GRK5: variants seen among roughly 807,000 people sequenced by gnomAD.
GRK5 encodes the protein g protein-coupled receptor kinase GRK5.
A neutral mutation model predicts 78.4 loss-of-function variants in GRK5; 40 were observed. That is an observed-to-expected ratio of 0.51 (90% CI 0.40 to 0.66). The LOEUF (loss-of-function observed/expected upper bound fraction) is 0.66. Ranked by LOEUF, GRK5 falls within the 30% of genes least tolerant of loss-of-function variation. The pLI is 0.00. For synonymous variants in GRK5, 289 were observed against 296.8 expected (o/e 0.97, Z 0.27); for missense variants, 598 against 759.9 (o/e 0.79, Z 2.50).
rs577682818 is a variant in GRK5 at position 119,349,845 on chromosome 10, G to A, written c.148+23234G>A. ...TCCTCAGAACCACCACCTGCCTTTG[G>A]TGGTTGCTCATACGTGGGCACCTGC... On this transcript the variant is annotated intron_variant, in intron 2 of 15. Coordinates refer to ENST00000392870, the MANE Select transcript of GRK5 (RefSeq NM_005308.3). Among the ~76,000 whole-genome samples the A allele has an allele frequency of 3.3e-5, 5 of 152,362 alleles. No individual in the cohort carries two copies. In the East Asian group the frequency reaches 5.8e-4, roughly 18 times the overall value.
At chr10:119,348,270 C>T (rs1387489821) in intron 2 of GRK5, among the ~76,000 whole-genome samples, 2 of 152,184 alleles carry the variant, frequency 1.3e-5, no homozygotes, top group Admixed American at 6.5e-5. Flanking sequence ...CTGATGTCAT[C>T]GGGGGAGCTC....
chr10:119,360,019 G>A (rs1851333474), intron 2 of GRK5, among the ~76,000 whole-genome samples: 1 of 151,008 alleles, frequency 6.6e-6, no homozygotes, highest in Non-Finnish European at 1.5e-5. Context: ...AGGAGGTGGA[G>A]GGAAGCTGAG....
At chr10:119,306,658 TCTC>T (rs1211068939) in intron 1 of GRK5, among the ~76,000 whole-genome samples, 1 of 152,128 alleles carries the variant, frequency 6.6e-6, no homozygotes, top group Admixed American at 6.5e-5. Flanking sequence ...TCTGCTGACT[TCTC>T]CTGGGGAAAG....
chr10:119,433,511 C>A (rs1490365025), intron 8 of GRK5, among the ~76,000 whole-genome samples: 6 of 152,166 alleles, frequency 3.9e-5, no homozygotes, highest in African/African-American at 1.4e-4. Context: ...CTCCTGGATC[C>A]CTTTCTCGGT....
intron 1 of GRK5, chr10:119,212,716 C>T (rs1237303503): frequency 6.6e-6 from 1 of 152,146 alleles, no homozygotes. Context: ...GCATTATTGT[C>T]ATAGGTCATG....
At chr10:119,382,952 C>T (rs914934457) in intron 3 of GRK5, among the ~76,000 whole-genome samples, 8 of 151,860 alleles carry the variant, frequency 5.3e-5, no homozygotes, top group Admixed American at 2.0e-4. Flanking sequence ...GATGGAGTCT[C>T]GCTCTGTTGC....
chr10:119,357,888 C>G (rs1564903644), intron 2 of GRK5, among the ~76,000 whole-genome samples: 2 of 152,144 alleles, frequency 1.3e-5, no homozygotes, highest in Admixed American at 6.5e-5. Flanking sequence ...GATGCCTTGA[C>G]CCCACAGGGA....
rs566112484 is a variant in GRK5 at position 119,359,955 on chromosome 10, G to C, written c.149-20860G>C. Among the ~76,000 whole-genome samples the C allele has an allele frequency of 1.1e-4, 16 of 152,084 alleles. No individual in the cohort carries two copies. In the South Asian group the frequency reaches 2.7e-3, roughly 26 times the overall value. ...GGTTGAGGAGATTGAGGAGGCTGAGGGGGCTTGAGGAGGCTGGGGAGGCTG... is the reference window on the plus strand; with the variant it reads ...GGTTGAGGAGATTGAGGAGGCTGAGCGGGCTTGAGGAGGCTGGGGAGGCTG... On this transcript the variant is annotated intron_variant, in intron 2 of 15. Transcript: ENST00000392870.
chr10:119,382,091 C>T (rs1046806167), intron 3 of GRK5, among the ~76,000 whole-genome samples: 4 of 152,190 alleles, frequency 2.6e-5, no homozygotes, highest in Admixed American at 1.3e-4. Flanking sequence ...GAAATCTTTG[C>T]ACTCTTTGAT....
At chr10:119,368,333 G>A (rs1851485386) in intron 2 of GRK5, among the ~76,000 whole-genome samples, 1 of 152,230 alleles carries the variant, frequency 6.6e-6, no homozygotes, top group Non-Finnish European at 1.5e-5. Flanking sequence ...ACTCATGCTT[G>A]TGTTGCTCCA....
chr10:119,239,280 G>A (rs1201153286), intron 1 of GRK5, among the ~76,000 whole-genome samples: 3 of 151,394 alleles, frequency 2.0e-5, no homozygotes, highest in Non-Finnish European at 4.4e-5. Flanking sequence ...TGTCACCCAG[G>A]CTGGAGTACA....
rs926466080 is a variant in GRK5, at chr10:119,371,951, A to G, written c.149-8864A>G. ...GGGACTTGCCCAAGACCACACAGCC[A>G]TCCAGAGTTGCTCCACTGTGGAGAC... On this transcript the variant is annotated intron_variant, in intron 2 of 15. Transcript: ENST00000392870. Among the ~76,000 whole-genome samples the G allele has an allele frequency of 3.9e-4, 60 of 152,352 alleles. 1 individual carries two copies. Among genetic ancestry groups the G allele is most frequent in the East Asian group, 1.9e-4 (1 of 5,190 alleles).
At chr10:119,308,867 T>C (rs58151501) in intron 1 of GRK5, among the ~76,000 whole-genome samples, 2 of 128,828 alleles carry the variant, frequency 1.6e-5, no homozygotes, top group African/African-American at 2.6e-5. Context: ...TGTATGGATT[T>C]GGGGGAATGC....
chr10:119,211,182 A>T (rs945300355), intron 1 of GRK5, among the ~76,000 whole-genome samples: 3 of 152,152 alleles, frequency 2.0e-5, no homozygotes, highest in African/African-American at 7.2e-5. Context: ...GAAAACATCA[A>T]CTCGATCACT....
At chr10:119,390,564 G>A (rs185430190) in intron 3 of GRK5, among the ~76,000 whole-genome samples, 7 of 152,202 alleles carry the variant, frequency 4.6e-5, no homozygotes, top group African/African-American at 1.2e-4. Context: ...GCATGGTGGC[G>A]TGCGCCTGTA....
In GRK5 at chr10:119,452,755, G is replaced by A. The variant is rs774914565; in HGVS notation, c.1489G>A (p.Asp497Asn). 2.0e-5 allele frequency: 32 copies of A among 1,593,582 alleles called. No individual in the cohort carries two copies. Among genetic ancestry groups the A allele is most frequent in the African/African-American group, 2.7e-5 (2 of 74,048 alleles). Residue 497 changes from aspartate (D) to asparagine (N), a missense_variant, in exon 14 of 16, where the codon GAC (aspartate) becomes AAC (asparagine). Transcript: ENST00000392870. This position sits in a 1 kb window ranked among gnomAD's most constrained non-coding sequence, Gnocchi z 4.4. Reference protein sequence around the residue: ...KGVNLDHTDDDFYSKFSTGSV... With the variant: ...KGVNLDHTDDNFYSKFSTGSV... ...CGTCAATCTGGACCACACAGACGAC[G>A]ACTTCTACTCCAAGTTCTCCACGGG...
intron 13 of GRK5, among the ~76,000 whole-genome samples, chr10:119,448,644 G>A (rs1256018547): frequency 2.0e-5 from 3 of 152,144 alleles, no homozygotes; most frequent in Admixed American, 6.5e-5. Flanking sequence ...GAGCATTGAC[G>A]GCCACTACAT....
At position 119,300,203 on chromosome 10, in the gene GRK5, A is replaced by G. The variant is rs1391775978; in HGVS notation, c.53-26313A>G. ...TGCCGCTGTGCCACAGGTTTTTATG[A>G]GTTGGCAAATATGTTTTTAAAATGG... On this transcript the variant is annotated intron_variant, in intron 1 of 15. Coordinates refer to ENST00000392870, the MANE Select transcript of GRK5 (RefSeq NM_005308.3). 3.9e-5 allele frequency among the ~76,000 whole-genome samples: 6 copies of G among 152,324 alleles called. No individual in the cohort carries two copies. In the East Asian group the frequency reaches 9.6e-4, roughly 24 times the overall value.
Position 119,421,721 on chromosome 10 carries a change from G to A in GRK5, c.340-1445G>A, listed in dbSNP as rs75647291. 3.9e-3 allele frequency among the ~76,000 whole-genome samples: 590 copies of A among 152,312 alleles called. 5 individuals carry two copies. The highest frequency in any genetic ancestry group is 2.8e-3 in the Non-Finnish European group (193 of 68,032). ...GTGGTGTTTACTGTCACAGCAGCTCGCATCCACACTGCAGGCTGCCCCCCA... is the reference window on the plus strand; with the variant it reads ...GTGGTGTTTACTGTCACAGCAGCTCACATCCACACTGCAGGCTGCCCCCCA... On this transcript the variant is annotated intron_variant, in intron 4 of 15. Coordinates refer to ENST00000392870, the MANE Select transcript of GRK5 (RefSeq NM_005308.3).
Sources: allele counts gnomAD v4.1 joint callset (sites outside exome capture counted in the v4.1 genomes callset), GRCh38; gene constraint gnomAD v4.1.1; non-coding constraint Gnocchi (gnomAD v3.1); transcripts MANE v1.5; gene names NCBI Gene and HGNC (gene_info 2026-07-23, HGNC 2026-07-21).